Variants in MAP7D2 observed in about 807,000 individuals in gnomAD.
MAP7D2 encodes the protein MAP7 domain-containing protein 2.
MAP7D2 carries 33 observed loss-of-function variants against 63.5 expected under a neutral mutation model. The ratio of observed to expected loss-of-function variants is 0.52; its 90% CI spans 0.39 to 0.70. MAP7D2 has a LOEUF of 0.70. Among genes scored for constraint, MAP7D2 ranks in the 30% least tolerant of loss-of-function variants. The probability of loss-of-function intolerance (pLI) is 0.00; values close to 1 mark genes in which losing one functional copy is unlikely to be tolerated. For missense variants in MAP7D2, 626 were observed against 604.0 expected, an observed-to-expected ratio of 1.04 and a Z score of -0.38; for synonymous variants, 224 against 223.7, an observed-to-expected ratio of 1.00 and a Z score of -0.01.
intron 8 of MAP7D2, among the ~76,000 whole-genome samples, chrX:20,032,746 G>C (rs2074092930): frequency 8.9e-6 from 1 of 111,887 alleles, no homozygotes; most frequent in Admixed American, 9.5e-5. Flanking sequence ...CTTATCTTTT[G>C]AGTTTATCTC....
At chrX:20,086,553 G>A (rs765156259) in intron 1 of MAP7D2, among the ~76,000 whole-genome samples, 17 of 111,762 alleles carry the variant, frequency 1.5e-4, no homozygotes, top group African/African-American at 4.9e-4. Flanking sequence ...GGTTGGCATC[G>A]TATGCGGAAA....
At chrX:20,109,781 C>T (rs962539020) in intron 1 of MAP7D2, among the ~76,000 whole-genome samples, 12 of 111,761 alleles carry the variant, frequency 1.1e-4, no homozygotes, top group African/African-American at 3.3e-4. Context: ...CGTGGTGGCT[C>T]ATGCCTGTAA....
chrX:20,106,808 C>A (rs2066579629), intron 1 of MAP7D2, among the ~76,000 whole-genome samples: 1 of 110,768 alleles, frequency 9.0e-6, no homozygotes, highest in Non-Finnish European at 1.9e-5. Flanking sequence ...TGAGACCTGT[C>A]TCTATTTAAA....
In MAP7D2 at chrX:20,018,899, C is replaced by G. The variant is rs751653526; in HGVS notation, c.1413-2574G>C. Reference sequence around the variant, plus strand: ...GATGAGCATTCCTTCTGTCTCTGCTCAAAGAACCAGACAGCACATTAGATT... The same window carrying G: ...GATGAGCATTCCTTCTGTCTCTGCTGAAAGAACCAGACAGCACATTAGATT... On this transcript the variant is annotated intron_variant, in intron 10 of 16. Coordinates refer to ENST00000379643, the MANE Select transcript of MAP7D2 (RefSeq NM_001168465.2). Among the ~76,000 whole-genome samples, 14 of 111,921 alleles carry G rather than the reference C, an allele frequency of 1.3e-4. No homozygotes were observed. The Middle Eastern group carries it at 0.014, about 112-fold the overall frequency.
chrX:20,020,280 G>C (rs1223168815), intron 10 of MAP7D2, among the ~76,000 whole-genome samples: 1 of 110,830 alleles, frequency 9.0e-6, no homozygotes, highest in East Asian at 2.8e-4. Flanking sequence ...CCTTCTGCAT[G>C]CATGTTTTCC....
intron 1 of MAP7D2, among the ~76,000 whole-genome samples, chrX:20,074,776 C>T (rs998220616): frequency 7.2e-5 from 8 of 111,752 alleles, no homozygotes; most frequent in African/African-American, 2.6e-4. Flanking sequence ...TGAGGCCAGG[C>T]GCGGTGGTTT....
chrX:20,107,377 C>T (rs1353527872), intron 1 of MAP7D2, among the ~76,000 whole-genome samples: 1 of 110,920 alleles, frequency 9.0e-6, no homozygotes, highest in Non-Finnish European at 1.9e-5. Flanking sequence ...TCAAGACCAG[C>T]CTAGACAACA....
At chrX:20,025,638 G>A (rs1169715970) in intron 9 of MAP7D2, 43 bp downstream of exon 9, 4 of 1,199,512 alleles carry the variant, frequency 3.3e-6, no homozygotes. Context: ...TGGGTCTGAG[G>A]AGAACCGTCT....
chrX:20,045,255 A>C (rs2064764304), intron 6 of MAP7D2, among the ~76,000 whole-genome samples: 1 of 111,104 alleles, frequency 9.0e-6, no homozygotes, highest in South Asian at 3.8e-4. Context: ...TAGTTTTTTC[A>C]TGTTTCCTCC....
chrX:20,108,441 C>T (rs985590635), intron 1 of MAP7D2, among the ~76,000 whole-genome samples: 3 of 109,151 alleles, frequency 2.7e-5, no homozygotes, highest in African/African-American at 1.0e-4. Flanking sequence ...CGCCATATTG[C>T]CCAGGCTGGT....
intron 1 of MAP7D2, among the ~76,000 whole-genome samples, chrX:20,086,568 C>T (rs759591811): frequency 2.7e-5 from 3 of 111,254 alleles, no homozygotes; most frequent in Non-Finnish European, 5.7e-5. Flanking sequence ...CGGAAATGTG[C>T]AGAAATAGGA....
intron 1 of MAP7D2, among the ~76,000 whole-genome samples, chrX:20,094,579 T>C: frequency 1.8e-5 from 1 of 55,703 alleles, no homozygotes; most frequent in Non-Finnish European, 3.1e-5. Context: ...CATATATATG[T>C]ATATATATAT....
Position 20,064,640 on chromosome X carries a change from T to A in MAP7D2, c.208+88A>T, listed in dbSNP as rs949972865. Reference sequence around the variant, plus strand: ...CATCTAGCAACTGTCCTAGTTCCCATTCATTCACAAATTTCTAAGAATCTT... The same window carrying A: ...CATCTAGCAACTGTCCTAGTTCCCAATCATTCACAAATTTCTAAGAATCTT... On this transcript the variant is annotated intron_variant, in intron 2 of 16. Coordinates refer to ENST00000379643, the MANE Select transcript of MAP7D2 (RefSeq NM_001168465.2). 6.6e-6 allele frequency: 5 copies of A among 756,715 alleles called. No individual in the cohort carries two copies. In the Admixed American group the frequency reaches 9.5e-5, roughly 14 times the overall value. 62.4% of individuals were successfully genotyped at this position (756,715 alleles called of 1,213,427 possible). A position where few individuals can be genotyped will look rare whatever the true frequency, so the allele number is the denominator to read the frequency against.
At chrX:20,105,346 T>G in intron 1 of MAP7D2, among the ~76,000 whole-genome samples, 1 of 111,265 alleles carries the variant, frequency 9.0e-6, no homozygotes, top group South Asian at 3.8e-4. Flanking sequence ...GAGTCAACTC[T>G]GAAGGAATCA....
intron 1 of MAP7D2, among the ~76,000 whole-genome samples, chrX:20,115,116 T>C (rs2066855737): frequency 9.1e-6 from 1 of 110,476 alleles, no homozygotes; most frequent in South Asian, 3.8e-4. Context: ...AAGGAAGATA[T>C]CCTTAAGCTA....
rs147193256 is a variant in MAP7D2 at position 20,025,066 on chromosome X, C to T, written c.1297G>A (p.Ala433Thr). The T allele has an allele frequency of 3.3e-6, 4 of 1,206,851 alleles. No individual in the cohort carries two copies. In the African/African-American group the frequency reaches 7.0e-5, roughly 21 times the overall value. The change falls in exon 10 of 17, where the codon GCA becomes ACA. Residue 433 changes from alanine (A) to threonine (T), a missense_variant. Physicochemically the swap from Ala to Thr is moderately conservative, Grantham distance 58. Coordinates refer to ENST00000379643, the MANE Select transcript of MAP7D2 (RefSeq NM_001168465.2). ...GCCTCTCCTGCATCAGTGGTGCCTG[C>T]TGTGGGCTTCCCCAAGGCTGCACCA... ...ENSAALGKPTAGTTDAGEAAK... is the reference protein window; with the variant it reads ...ENSAALGKPTTGTTDAGEAAK...
intron 1 of MAP7D2, among the ~76,000 whole-genome samples, chrX:20,083,079 T>A (rs1194650077): frequency 8.9e-6 from 1 of 112,299 alleles, no homozygotes; most frequent in African/African-American, 3.2e-5. Flanking sequence ...ACCTCCAGCC[T>A]CTAACCGCAT....
At chrX:20,028,028 C>G (rs1472659398) in intron 8 of MAP7D2, among the ~76,000 whole-genome samples, 1 of 111,424 alleles carries the variant, frequency 9.0e-6, no homozygotes, top group Admixed American at 9.5e-5. Flanking sequence ...GAGCTCAGAC[C>G]TCCATTCACA....
chrX:20,029,125 A>G (rs1230206010), intron 8 of MAP7D2, among the ~76,000 whole-genome samples: 2 of 112,486 alleles, frequency 1.8e-5, no homozygotes, highest in Non-Finnish European at 3.8e-5. Flanking sequence ...AGCAGTATAG[A>G]AAGAGTTGGG....
Sources: gnomAD v4.1 joint callset for allele counts (sites outside exome capture counted in the v4.1 genomes callset) on GRCh38, gnomAD v4.1.1 for gene constraint, MANE v1.5 for transcripts, NCBI Gene and HGNC (gene_info 2026-07-23, HGNC 2026-07-21) for gene names.